CDH2: variants seen among roughly 807,000 people sequenced by gnomAD.
CDH2 encodes the protein cadherin-2.
Under a neutral mutation model 92.0 loss-of-function variants are expected in CDH2, and 17 were observed. The ratio of observed to expected loss-of-function variants is 0.18; its 90% CI spans 0.13 to 0.28. CDH2 has a LOEUF of 0.28. CDH2 is among the 10% of genes least tolerant of loss of function. CDH2 has a pLI of 1.00. For synonymous variants in CDH2, 419 were observed against 415.9 expected (o/e 1.01, Z -0.09); for missense variants, 862 against 1,133.1 (o/e 0.76, Z 3.44).
At chr18:28,108,409 C>G (rs2015357533) in intron 2 of CDH2, among the ~76,000 whole-genome samples, 1 of 151,624 alleles carries the variant, frequency 6.6e-6, no homozygotes, top group Admixed American at 6.6e-5. Flanking sequence ...ACTACAAATA[C>G]TCAAGGAAAA....
chr18:27,973,134 C>A (rs1803416746), intron 14 of CDH2, among the ~76,000 whole-genome samples: 1 of 152,098 alleles, frequency 6.6e-6, no homozygotes, highest in Non-Finnish European at 1.5e-5. Flanking sequence ...CCATCTCAGG[C>A]ACTTGGACTT....
In CDH2 at chr18:27,963,426, G is replaced by A. The variant is rs761127424; in HGVS notation, c.2445C>T (p.His815=). Residue 815 remains histidine, a synonymous_variant, in exon 15 of 16, where the codon CAC becomes CAT. Transcript: ENST00000269141. ...ATCGGACCGGATACTGGGGCTCGGC[G>A]TGGATGGGTCTTTCATCCATTCGTC... ...GIRRMDERPI[H]AEPQYPVRSA... The A allele has an allele frequency of 2.9e-5, 46 of 1,613,938 alleles. No individual in the cohort carries two copies. The highest frequency in any genetic ancestry group is 1.7e-4 in the Middle Eastern group (1 of 6,060).
intron 6 of CDH2, among the ~76,000 whole-genome samples, chr18:27,939,677 T>G (rs1358685309): frequency 6.6e-6 from 1 of 152,210 alleles, no homozygotes; most frequent in African/African-American, 2.4e-5. Flanking sequence ...AGACAAAGAC[T>G]TCCTTCCTGG....
At chr18:27,948,210 T>C (rs36045905), downstream of CDH2, among the ~76,000 whole-genome samples, 40 of 145,840 alleles carry the variant, frequency 2.7e-4, no homozygotes, top group East Asian at 5.3e-3. Context: ...TTTTAACAAG[T>C]GGTGTTTGGA....
At position 28,177,084 on chromosome 18, in the gene CDH2, A is replaced by AGGAGGAGGCAGCGGCGGC; in HGVS notation, c.-63_-62insGCCGCCGCTGCCTCCTCC. ...GCGGCGGCGGCGGCGGCGGCGGCGG[A>AGGAGGAGGCAGCGGCGGC]GGAGGAGGAGGCAGCGGCAGCACCA... On this transcript the variant is annotated 5_prime_UTR_variant, in exon 1 of 16. Coordinates refer to ENST00000269141, the MANE Select transcript of CDH2 (RefSeq NM_001792.5). 9.8e-7 allele frequency: 1 copy of AGGAGGAGGCAGCGGCGGC among 1,018,970 alleles called. No individual in the cohort carries two copies. The allele number at this position is 1,018,970 out of a possible 1,614,324, so 63.1% of individuals were successfully genotyped here.
intron 2 of CDH2, among the ~76,000 whole-genome samples, chr18:28,092,446 C>A (rs2015053289): frequency 6.6e-6 from 1 of 151,868 alleles, no homozygotes; most frequent in South Asian, 2.1e-4. Flanking sequence ...TTGTTTGTCA[C>A]CCTCAGAAGA....
intron 6 of CDH2, among the ~76,000 whole-genome samples, chr18:27,936,024 A>G (rs1342818480): frequency 6.6e-6 from 1 of 152,190 alleles, no homozygotes; most frequent in Non-Finnish European, 1.5e-5. Context: ...TTGACAGAAA[A>G]TAGATCATCA....
chr18:27,998,171 C>T (rs2012648738), intron 7 of CDH2, among the ~76,000 whole-genome samples: 1 of 152,168 alleles, frequency 6.6e-6, no homozygotes, highest in Admixed American at 6.5e-5. Flanking sequence ...ACTAAAAGTA[C>T]CATCTACCTT....
chr18:28,030,904 C>T (rs2013678268), intron 2 of CDH2, among the ~76,000 whole-genome samples: 1 of 151,914 alleles, frequency 6.6e-6, no homozygotes, highest in African/African-American at 2.4e-5. Flanking sequence ...TCTGGTTTCC[C>T]CCATCCCATT....
intron 2 of CDH2, among the ~76,000 whole-genome samples, chr18:28,067,374 C>T (rs1240094257): frequency 6.6e-6 from 1 of 152,090 alleles, no homozygotes; most frequent in African/African-American, 2.4e-5. Context: ...ATTCCACTCA[C>T]CCCTCTCCCC....
chr18:27,940,933 G>C (rs1041002931), intron 6 of CDH2, among the ~76,000 whole-genome samples: 1 of 151,988 alleles, frequency 6.6e-6, no homozygotes, highest in Non-Finnish European at 1.5e-5. Context: ...CTGTTTCTCT[G>C]GGTTGTGCCA....
intron 1 of CDH2, among the ~76,000 whole-genome samples, chr18:28,148,659 G>A (rs1598508917): frequency 6.6e-6 from 1 of 152,134 alleles, no homozygotes; most frequent in South Asian, 2.1e-4. Context: ...AGTAGAATGA[G>A]GCTACCCAAT....
chr18:28,148,228 A>G (rs1227362389), intron 1 of CDH2, among the ~76,000 whole-genome samples: 1 of 152,204 alleles, frequency 6.6e-6, no homozygotes, highest in African/African-American at 2.4e-5. Context: ...TGGTTTCAAG[A>G]TGCCATGTTC....
intron 6 of CDH2, among the ~76,000 whole-genome samples, chr18:27,943,539 A>G (rs1173890503): frequency 1.3e-5 from 2 of 152,230 alleles, no homozygotes; most frequent in Non-Finnish European, 2.9e-5. Flanking sequence ...TATTAACTGT[A>G]TGCAGCTTCT....
chr18:28,156,078 A>G (rs954407756), intron 1 of CDH2, among the ~76,000 whole-genome samples: 3 of 152,158 alleles, frequency 2.0e-5, no homozygotes, highest in Non-Finnish European at 4.4e-5. Flanking sequence ...TGTGCTCTAG[A>G]CCAGCTTAGG....
chr18:28,127,612 A>T (rs758755071), intron 2 of CDH2, among the ~76,000 whole-genome samples: 1 of 152,342 alleles, frequency 6.6e-6, no homozygotes, highest in Non-Finnish European at 1.5e-5. Context: ...GGCTGATTAC[A>T]ATATAGCAAT....
chr18:28,095,046 T>C (rs1247039698), intron 2 of CDH2, among the ~76,000 whole-genome samples: 1 of 152,126 alleles, frequency 6.6e-6, no homozygotes, highest in East Asian at 1.9e-4. Context: ...TCATATTTTT[T>C]AGTGCCTTAA....
chr18:28,017,465 G>A (rs924635720), intron 2 of CDH2, among the ~76,000 whole-genome samples: 5 of 151,872 alleles, frequency 3.3e-5, no homozygotes, highest in African/African-American at 9.7e-5. Context: ...AGTATCTCCC[G>A]TTTCGTTTCT....
In CDH2 at chr18:28,013,772, T is replaced by C; in HGVS notation, c.310A>G (p.Ile104Val). 1 of 1,614,062 alleles carries C rather than the reference T, an allele frequency of 6.2e-7. No individual in the cohort carries two copies. Among genetic ancestry groups the C allele is most frequent in the South Asian group, 1.1e-5 (1 of 91,080 alleles). Reference protein sequence around the residue: ...PLSSEHAKFLIYAQDKETQEK... With the variant: ...PLSSEHAKFLVYAQDKETQEK... ...TGGGTCTCTTTGTCTTGGGCATATATCAGGAACTTGGCATGCTCAGAAGAG... is the reference window on the plus strand; with the variant it reads ...TGGGTCTCTTTGTCTTGGGCATATACCAGGAACTTGGCATGCTCAGAAGAG... Residue 104 changes from isoleucine to valine, a missense_variant, in exon 3 of 16, where the codon ATA becomes GTA. Physicochemically the swap from Ile to Val is conservative, Grantham distance 29. Coordinates refer to ENST00000269141, the MANE Select transcript of CDH2 (RefSeq NM_001792.5).
Sources: gnomAD v4.1 joint callset for allele counts (sites outside exome capture counted in the v4.1 genomes callset) on GRCh38, gnomAD v4.1.1 for gene constraint, MANE v1.5 for transcripts, NCBI Gene and HGNC (gene_info 2026-07-23, HGNC 2026-07-21) for gene names.